The following FAM13A variants were observed in gnomAD, a reference collection of about 807,000 sequenced individuals.
FAM13A encodes family with sequence similarity 13 member A, also known as protein FAM13A.
In FAM13A, 76 loss-of-function variants were observed where a neutral mutation model predicts 129.6. The observed-to-expected ratio is 0.59, with a 90% CI of 0.49 to 0.71. The LOEUF is 0.71. Among genes scored for constraint, FAM13A ranks in the 30% least tolerant of loss-of-function variants. The pLI is 0.00. For missense variants in FAM13A, 1,108 were observed against 1,249.3 expected (o/e 0.89, Z 1.70); for synonymous variants, 443 against 449.9 (o/e 0.98, Z 0.20).
intron 6 of FAM13A, among the ~76,000 whole-genome samples, chr4:88,877,212 T>G (rs1393216420): frequency 6.6e-6 from 1 of 152,188 alleles, no homozygotes; most frequent in Non-Finnish European, 1.5e-5. Context: ...AGTGGCAGAG[T>G]AAATTTTTGT....
intron 5 of FAM13A, among the ~76,000 whole-genome samples, chr4:88,907,724 T>C (rs576840354): frequency 6.6e-6 from 1 of 152,344 alleles, no homozygotes; most frequent in East Asian, 1.9e-4. Context: ...CAAAGATTGT[T>C]CTGTAAAACA....
At chr4:88,863,126 T>C (rs1370037124) in intron 6 of FAM13A, among the ~76,000 whole-genome samples, 1 of 152,056 alleles carries the variant, frequency 6.6e-6, no homozygotes, top group Non-Finnish European at 1.5e-5. Flanking sequence ...TGAAAACTGC[T>C]AGAGAGCTTC....
At chr4:88,837,329 T>A (rs1276056468) in intron 7 of FAM13A, among the ~76,000 whole-genome samples, 1 of 152,050 alleles carries the variant, frequency 6.6e-6, no homozygotes, top group African/African-American at 2.4e-5. Flanking sequence ...TAAATACATA[T>A]TAAAACTGTT....
At chr4:88,971,800 G>C (rs1374337007) in intron 4 of FAM13A, among the ~76,000 whole-genome samples, 1 of 152,094 alleles carries the variant, frequency 6.6e-6, no homozygotes, top group African/African-American at 2.4e-5. Flanking sequence ...ATGAGCCACC[G>C]CTCCTGGAAC....
chr4:88,786,936 G>C (rs2924347), intron 10 of FAM13A, among the ~76,000 whole-genome samples: 1 of 151,828 alleles, frequency 6.6e-6, no homozygotes, highest in Admixed American at 6.6e-5. Context: ...GTCTGGTTCA[G>C]GTTAGTTTCT....
intron 7 of FAM13A, among the ~76,000 whole-genome samples, chr4:88,807,861 CA>C (rs1359530149): frequency 6.6e-6 from 1 of 152,110 alleles, no homozygotes. Context: ...TGCATTTGCA[CA>C]AAGTAAATTC....
At chr4:88,794,915 C>CAT (rs1725866730) in intron 8 of FAM13A, among the ~76,000 whole-genome samples, 1 of 151,768 alleles carries the variant, frequency 6.6e-6, no homozygotes, top group South Asian at 2.1e-4. Flanking sequence ...CAACATTATA[C>CAT]ATATATAACA....
chr4:88,752,455 C>A (rs1390459187), intron 14 of FAM13A, among the ~76,000 whole-genome samples: 47 of 152,158 alleles, frequency 3.1e-4, no homozygotes, highest in Middle Eastern at 6.8e-3. Context: ...TCCACAGGTT[C>A]TCGAAATTTA....
At chr4:88,739,963 A>G (rs138899872) in intron 19 of FAM13A, among the ~76,000 whole-genome samples, 153 of 152,300 alleles carry the variant, frequency 1.0e-3, no homozygotes, top group Non-Finnish European at 1.7e-3. Flanking sequence ...ACAGGGCTAA[A>G]AAATGTTTAA....
intron 5 of FAM13A, among the ~76,000 whole-genome samples, chr4:88,914,287 A>G (rs2609262): frequency 0.75 from 114,044 of 152,132 alleles, 43,047 homozygotes; most frequent in Non-Finnish European, 0.79. Context: ...TAAATCAGAC[A>G]ATGTCACTTC....
chr4:88,958,030 T>G (rs1447799895), intron 4 of FAM13A, among the ~76,000 whole-genome samples: 1 of 151,210 alleles, frequency 6.6e-6, no homozygotes, highest in African/African-American at 2.4e-5. Context: ...AAGCAGAGCA[T>G]AAAGTTTGGA....
At chr4:88,823,367 CTCCTCCTCCTCT>C in intron 7 of FAM13A, 4 of 996,224 alleles carry the variant, frequency 4.0e-6, no homozygotes, top group Non-Finnish European at 4.9e-6. Flanking sequence ...TCAATGGTCC[CTCCTCCTCCTCT>C]TCCTCCTCCT....
Position 88,851,119 on chromosome 4 carries a change from T to A in FAM13A, c.908A>T (p.Asp303Val). 6.2e-7 allele frequency: 1 copy of A among 1,613,724 alleles called. No individual in the cohort carries two copies. ...CCGCAAGCTGAGCTGAGGAATGCCA[T>A]CAGATAGCTCTGGTTGCAGTACTCT... ...AHRVLQPELSDGIPQLSLRLS... is the reference protein window; with the variant it reads ...AHRVLQPELSVGIPQLSLRLS... Residue 303 changes from aspartate to valine, a missense_variant, in exon 7 of 24, where the codon GAT (aspartate) becomes GTT (valine). Coordinates refer to ENST00000264344, the MANE Select transcript of FAM13A (RefSeq NM_014883.4).
chr4:88,961,010 C>T (rs2148914058), intron 4 of FAM13A, among the ~76,000 whole-genome samples: 1 of 152,178 alleles, frequency 6.6e-6, no homozygotes, highest in Non-Finnish European at 1.5e-5. Flanking sequence ...TAAAGAGGTG[C>T]CCTCTTACAG....
intron 17 of FAM13A, 49 bp downstream of exon 17, chr4:88,748,903 C>G (rs575711154): frequency 1.2e-4 from 162 of 1,314,312 alleles, no homozygotes; most frequent in South Asian, 2.6e-4. Flanking sequence ...GTGAGAGATT[C>G]TGCACCTGGC....
At chr4:88,791,098 G>A (rs1317693549) in intron 8 of FAM13A, among the ~76,000 whole-genome samples, 1 of 152,082 alleles carries the variant, frequency 6.6e-6, no homozygotes. Flanking sequence ...AGAGGGCAGT[G>A]GGGACGACAG....
At chr4:88,893,166 A>T (rs1745650678) in intron 6 of FAM13A, among the ~76,000 whole-genome samples, 1 of 152,226 alleles carries the variant, frequency 6.6e-6, no homozygotes, top group Non-Finnish European at 1.5e-5. Flanking sequence ...ATCAGGATAG[A>T]CTTGATTATG....
chr4:88,975,895 C>T (rs1017328439), intron 4 of FAM13A, among the ~76,000 whole-genome samples: 28 of 152,238 alleles, frequency 1.8e-4, no homozygotes, highest in African/African-American at 6.7e-4. Flanking sequence ...GGACAAAACA[C>T]CAGTCCAGGA....
chr4:88,791,270 C>G (rs757455637), intron 8 of FAM13A, among the ~76,000 whole-genome samples: 1 of 152,232 alleles, frequency 6.6e-6, no homozygotes, highest in African/African-American at 2.4e-5. Context: ...TGAGCACTTA[C>G]AAATTTTCAT....
Sources: allele counts gnomAD v4.1 joint callset (sites outside exome capture counted in the v4.1 genomes callset), GRCh38; gene constraint gnomAD v4.1.1; transcripts MANE v1.5; gene names NCBI Gene and HGNC (gene_info 2026-07-23, HGNC 2026-07-21).